The following KAT7 variants were observed in gnomAD, a reference collection of about 807,000 sequenced individuals.
KAT7 encodes histone acetyltransferase KAT7.
A neutral mutation model predicts 82.1 loss-of-function variants in KAT7; 10 were observed. The observed-to-expected ratio is 0.12, with a 90% CI of 0.08 to 0.21. The LOEUF (loss-of-function observed/expected upper bound fraction) is 0.21. Ranked by LOEUF, KAT7 falls within the 10% of genes least tolerant of loss-of-function variation. The pLI, the probability that KAT7 is intolerant of heterozygous loss-of-function variation, is 1.00. For synonymous variants in KAT7, 250 were observed against 262.5 expected, an observed-to-expected ratio of 0.95 and a Z score of 0.46; for missense variants, 378 against 760.9, an observed-to-expected ratio of 0.50 and a Z score of 5.92.
chr17:49,792,053 TC>T lies in KAT7; in HGVS notation c.163+22del. On this transcript the variant is annotated intron_variant, in intron 2 of 14. Coordinates refer to ENST00000259021, the MANE Select transcript of KAT7 (RefSeq NM_007067.5). ...CTCAAGGTAAAAAAACCTTCATTTT[TC>T]CTTACCACTCCTCACATCTGGCTGA... 2.5e-6 allele frequency: 4 copies of T among 1,609,590 alleles called. No individual in the cohort carries two copies. The highest frequency in any genetic ancestry group is 3.4e-6 in the Non-Finnish European group (4 of 1,177,232).
intron 7 of KAT7, among the ~76,000 whole-genome samples, chr17:49,813,768 A>G (rs1207826623): frequency 6.6e-6 from 1 of 152,122 alleles, no homozygotes. Flanking sequence ...GACATCATTT[A>G]CATACGAGAC....
chr17:49,803,665 C>A (rs904380559), intron 4 of KAT7, among the ~76,000 whole-genome samples: 4 of 152,048 alleles, frequency 2.6e-5, no homozygotes, highest in Non-Finnish European at 4.4e-5. Context: ...ACCTCGTGAT[C>A]CGCCTGCCTC....
At chr17:49,801,890 C>T (rs911811625) in intron 4 of KAT7, among the ~76,000 whole-genome samples, 1 of 152,164 alleles carries the variant, frequency 6.6e-6, no homozygotes, top group East Asian at 1.9e-4. Flanking sequence ...GTAAAAATTG[C>T]CCTTAACTCA....
Position 49,832,344 on chromosome 17 carries a change from C to T in KAT7, c.*4842C>T, listed in dbSNP as rs547076189. ...AACTTTGATTTGTACTGATTTGTCC[C>T]TATAGTTCTGGGTGGGGTGGGTCAA... On this transcript the variant is annotated 3_prime_UTR_variant, in exon 15 of 15. Transcript: ENST00000259021. 3.4e-4 allele frequency: 52 copies of T among 152,288 alleles called. No homozygotes were observed. The highest frequency in any genetic ancestry group is 1.1e-3 in the African/African-American group (45 of 41,552). 9.4% of individuals were successfully genotyped at this position (152,288 alleles called of 1,614,324 possible). A position where few individuals can be genotyped will look rare whatever the true frequency, so the allele number is the denominator to read the frequency against.
At chr17:49,811,682 A>C in intron 7 of KAT7, 108 bp downstream of exon 7, 1 of 463,864 alleles carries the variant, frequency 2.2e-6, no homozygotes, top group Non-Finnish European at 3.8e-6. Context: ...TATTCTCCAC[A>C]TGTGAATACC....
At chr17:49,793,537 C>T (rs1434131396) in intron 2 of KAT7, among the ~76,000 whole-genome samples, 1 of 150,278 alleles carries the variant, frequency 6.7e-6, no homozygotes, top group Non-Finnish European at 1.5e-5. Flanking sequence ...AAAACTTTAA[C>T]ATGTTTTGAG....
chr17:49,808,788 A>G (rs1224850183), intron 5 of KAT7, among the ~76,000 whole-genome samples: 1 of 152,118 alleles, frequency 6.6e-6, no homozygotes, highest in Non-Finnish European at 1.5e-5. Context: ...TTGTACTTCC[A>G]TACTCTATTC....
Position 49,831,097 on chromosome 17 carries a change from C to T in KAT7, c.*3595C>T, listed in dbSNP as rs117187029. On this transcript the variant is annotated 3_prime_UTR_variant, in exon 15 of 15. Coordinates refer to ENST00000259021, the MANE Select transcript of KAT7 (RefSeq NM_007067.5). Reference sequence around the variant, plus strand: ...AGGAATTCGAGACTAGCCTGGGCAGCATGGTGAAACCCCAGCTCTACAAAA... The same window carrying T: ...AGGAATTCGAGACTAGCCTGGGCAGTATGGTGAAACCCCAGCTCTACAAAA... 8.3e-3 allele frequency: 1,269 copies of T among 152,364 alleles called. 17 individuals carry two copies. Among genetic ancestry groups the T allele is most frequent in the East Asian group, 0.061 (317 of 5,176 alleles). 9.4% of individuals were successfully genotyped at this position (152,364 alleles called of 1,614,324 possible). A position where few individuals can be genotyped will look rare whatever the true frequency, so the allele number is the denominator to read the frequency against.
chr17:49,797,066 CTTTTT>C, intron 3 of KAT7, 140 bp downstream of exon 3: 11 of 510,646 alleles, frequency 2.2e-5, no homozygotes, highest in South Asian at 5.3e-5. Flanking sequence ...TTTCTTATGT[CTTTTT>C]TTTTTTTTTT....
At position 49,831,307 on chromosome 17, in the gene KAT7, T is replaced by C. The variant is rs2074423300; in HGVS notation, c.*3805T>C. The C allele has an allele frequency of 6.6e-6, 1 of 152,224 alleles. No individual in the cohort carries two copies. Among genetic ancestry groups the C allele is most frequent in the Admixed American group, 6.5e-5 (1 of 15,268 alleles). The allele number at this position is 152,224 out of a possible 1,614,324, so 9.4% of individuals were successfully genotyped here. ...AAAAAACAGAATTGATTGATGTTAG[T>C]TGGCTTTAGAAGCAGCAAGTTTAGG... On this transcript the variant is annotated 3_prime_UTR_variant, in exon 15 of 15. Coordinates refer to ENST00000259021, the MANE Select transcript of KAT7 (RefSeq NM_007067.5).
In KAT7 at chr17:49,828,787, T is replaced by G. The variant is rs1360043714; in HGVS notation, c.*1285T>G. 1 of 153,362 alleles carries G rather than the reference T, an allele frequency of 6.5e-6. No homozygotes were observed. Among genetic ancestry groups the G allele is most frequent in the Non-Finnish European group, 1.5e-5 (1 of 68,044 alleles). The allele number at this position is 153,362 out of a possible 1,614,324, so 9.5% of individuals were successfully genotyped here. ...GTATGACATGTCACCCTTCCCAACTTGGTCTCCTCCAACATGCTGTCTTCA... is the reference window on the plus strand; with the variant it reads ...GTATGACATGTCACCCTTCCCAACTGGGTCTCCTCCAACATGCTGTCTTCA... On this transcript the variant is annotated 3_prime_UTR_variant, in exon 15 of 15. Transcript: ENST00000259021.
intron 7 of KAT7, among the ~76,000 whole-genome samples, chr17:49,813,114 A>G (rs2074190607): frequency 6.7e-6 from 1 of 149,128 alleles, no homozygotes; most frequent in Admixed American, 6.8e-5. Flanking sequence ...TTAGGCTTCT[A>G]ATGATCTTAT....
rs769081914 is a variant in KAT7, at chr17:49,811,472, T to G, written c.754-4T>G. On this transcript the variant is annotated splice_region_variant and splice_polypyrimidine_tract_variant and intron_variant, in intron 6 of 14. Coordinates refer to ENST00000259021, the MANE Select transcript of KAT7 (RefSeq NM_007067.5). ...TCTCTCAGTTTTCTCCTTTTTCCTT[T>G]TAGGCACCAACGGAGAGACAGCTTC... 2.1e-6 allele frequency: 3 copies of G among 1,445,410 alleles called. No homozygotes were observed. The highest frequency in any genetic ancestry group is 2.8e-6 in the Non-Finnish European group (3 of 1,063,872). The allele number at this position is 1,445,410 out of a possible 1,614,324, so 89.5% of individuals were successfully genotyped here. A position where few individuals can be genotyped will look rare whatever the true frequency, so the allele number is the denominator to read the frequency against.
chr17:49,803,413 T>A (rs1018916648), intron 4 of KAT7, among the ~76,000 whole-genome samples: 25 of 151,900 alleles, frequency 1.6e-4, no homozygotes, highest in African/African-American at 4.3e-4. Context: ...ATTGCATTTT[T>A]AAAATTTATT....
chr17:49,796,309 G>C (rs2073955335), intron 2 of KAT7, among the ~76,000 whole-genome samples: 1 of 152,224 alleles, frequency 6.6e-6, no homozygotes, highest in South Asian at 2.1e-4. Context: ...GGAAGAATGA[G>C]AGGATGCAGT....
intron 4 of KAT7, among the ~76,000 whole-genome samples, chr17:49,801,959 T>A (rs1293987389): frequency 6.6e-6 from 1 of 152,228 alleles, no homozygotes; most frequent in Non-Finnish European, 1.5e-5. Context: ...TATGAATGCT[T>A]CCAAGAAGTT....
Position 49,807,234 on chromosome 17 carries a change from G to C in KAT7, c.663+1789G>C, listed in dbSNP as rs140965074. Reference sequence around the variant, plus strand: ...TTTTGTGTAGTGATAAATATTGTGAGGAAAAAAAGACGAATGATATAGAGA... The same window carrying C: ...TTTTGTGTAGTGATAAATATTGTGACGAAAAAAAGACGAATGATATAGAGA... On this transcript the variant is annotated intron_variant, in intron 5 of 14. Coordinates refer to ENST00000259021, the MANE Select transcript of KAT7 (RefSeq NM_007067.5). Among the ~76,000 whole-genome samples, 377 of 152,222 alleles carry C rather than the reference G, an allele frequency of 2.5e-3. 2 individuals carry two copies. Among genetic ancestry groups the C allele is most frequent in the African/African-American group, 8.4e-3 (351 of 41,544 alleles).
rs766499504 is a variant in KAT7 at position 49,792,035 on chromosome 17, T to TA, written c.163+9dup. Reference sequence around the variant, plus strand: ...CCAGGCTAAGCCAGAGTTCTCAAGGTAAAAAAACCTTCATTTTTCCTTACC... The same window carrying TA: ...CCAGGCTAAGCCAGAGTTCTCAAGGTAAAAAAAACCTTCATTTTTCCTTACC... On this transcript the variant is annotated splice_region_variant and intron_variant, in intron 2 of 14. Transcript: ENST00000259021. 4.7e-5 allele frequency: 76 copies of TA among 1,612,600 alleles called. No individual in the cohort carries two copies. Among genetic ancestry groups the TA allele is most frequent in the Middle Eastern group, 1.7e-4 (1 of 6,008 alleles).
intron 10 of KAT7, 102 bp from the exon 11 acceptor site, chr17:49,821,548 A>G: frequency 6.6e-7 from 1 of 1,524,802 alleles, no homozygotes; most frequent in Non-Finnish European, 9.0e-7. Context: ...GCCAAAATAC[A>G]CAATGTGTTT....
Sources: allele counts gnomAD v4.1 joint callset (sites outside exome capture counted in the v4.1 genomes callset), GRCh38; gene constraint gnomAD v4.1.1; transcripts MANE v1.5; gene names NCBI Gene and HGNC (gene_info 2026-07-23, HGNC 2026-07-21).